The following PCDH11X variants were observed in gnomAD, a reference collection of about 807,000 sequenced individuals.
PCDH11X encodes protocadherin 11 X-linked.
PCDH11X carries 18 observed loss-of-function variants against 53.3 expected under a neutral mutation model. The observed-to-expected ratio is 0.34, with a 90% CI of 0.23 to 0.50. The LOEUF is 0.50. Ranked by LOEUF, PCDH11X falls within the 20% of genes least tolerant of loss-of-function variation. The pLI is 0.98. For missense variants in PCDH11X, 570 were observed against 1,032.4 expected (o/e 0.55, Z 6.14); for synonymous variants, 279 against 393.3 (o/e 0.71, Z 3.44).
intron 8 of PCDH11X, among the ~76,000 whole-genome samples, chrX:92,285,331 G>A (rs769325751): frequency 9.3e-5 from 9 of 96,809 alleles, no homozygotes; most frequent in East Asian, 3.5e-4. Context: ...TCGGCTCACC[G>A]CAAACTCCGC....
At chrX:92,471,350 GA>G (rs1172233173) in intron 10 of PCDH11X, among the ~76,000 whole-genome samples, 1 of 106,578 alleles carries the variant, frequency 9.4e-6, no homozygotes, top group African/African-American at 3.4e-5. Context: ...TAATAAGTGA[GA>G]AAATGTGGTA....
At chrX:92,236,036 T>G (rs2067165806) in intron 7 of PCDH11X, among the ~76,000 whole-genome samples, 1 of 112,049 alleles carries the variant, frequency 8.9e-6, no homozygotes, top group Non-Finnish European at 1.9e-5. Context: ...TATCTATTTT[T>G]CATATAACAA....
At chrX:92,602,563 G>A (rs1926364261) in intron 10 of PCDH11X, among the ~76,000 whole-genome samples, 1 of 107,007 alleles carries the variant, frequency 9.3e-6, no homozygotes, top group Non-Finnish European at 1.9e-5. Context: ...GATACCAAAT[G>A]AAGCAAGTAG....
intron 10 of PCDH11X, among the ~76,000 whole-genome samples, chrX:92,617,160 G>C (rs1355698335): frequency 9.0e-6 from 1 of 111,598 alleles, no homozygotes; most frequent in Non-Finnish European, 1.9e-5. Context: ...CGTGTCAGCT[G>C]TTATCTTTTT....
At chrX:92,147,984 C>CT (rs2065322747) in intron 6 of PCDH11X, among the ~76,000 whole-genome samples, 1 of 72,101 alleles carries the variant, frequency 1.4e-5, no homozygotes, top group African/African-American at 7.9e-5. Context: ...TTCCTTCCTT[C>CT]CTTTCTTTCT....
intron 6 of PCDH11X, among the ~76,000 whole-genome samples, chrX:91,912,917 A>G (rs895465126): frequency 1.8e-5 from 2 of 112,369 alleles, no homozygotes; most frequent in African/African-American, 6.5e-5. Context: ...CTTCGATCAC[A>G]CATCCTGACT....
intron 8 of PCDH11X, among the ~76,000 whole-genome samples, chrX:92,283,270 G>A (rs2068289281): frequency 9.0e-6 from 1 of 111,137 alleles, no homozygotes; most frequent in South Asian, 3.8e-4. Context: ...TTATTAATTT[G>A]CTTGCCCCTT....
At chrX:92,033,642 T>C (rs1049610769) in intron 6 of PCDH11X, among the ~76,000 whole-genome samples, 2 of 108,917 alleles carry the variant, frequency 1.8e-5, no homozygotes, top group African/African-American at 6.6e-5. Flanking sequence ...GTGTCTTCTC[T>C]CTTTCTTCTC....
chrX:92,060,411 A>G (rs1251200497), intron 6 of PCDH11X, among the ~76,000 whole-genome samples: 2 of 102,241 alleles, frequency 2.0e-5, no homozygotes, highest in East Asian at 3.1e-4. Flanking sequence ...GGAGTTTGCT[A>G]TATGAATTGT....
intron 10 of PCDH11X, among the ~76,000 whole-genome samples, chrX:92,506,630 T>C (rs1033709538): frequency 1.1e-5 from 1 of 91,933 alleles, no homozygotes; most frequent in Non-Finnish European, 2.2e-5. Context: ...TGGATTCAGT[T>C]TGCTAGTTTT....
rs754069997 is a variant in PCDH11X at position 92,439,256 on chromosome X, G to A, written c.3344-29043G>A. ...ACCTCTGAAGGTAAGAACACCAAGT[G>A]GGCTACAATAATAACAATTAATCTT... is the stretch of plus-strand genomic sequence containing the variant. On this transcript the variant is annotated intron_variant, in intron 9 of 10. Transcript: ENST00000682573. Among the ~76,000 whole-genome samples, 131 of 111,225 alleles carry A rather than the reference G, an allele frequency of 1.2e-3. 2 individuals carry two copies. The highest frequency in any genetic ancestry group is 4.0e-3 in the African/African-American group (122 of 30,635).
intron 6 of PCDH11X, among the ~76,000 whole-genome samples, chrX:92,048,418 A>G (rs1013224564): frequency 6.3e-5 from 7 of 111,407 alleles, no homozygotes; most frequent in African/African-American, 2.0e-4. Flanking sequence ...TATTTAAAGA[A>G]TAAGCTATCT....
At chrX:92,573,970 G>T (rs1176872827) in intron 10 of PCDH11X, among the ~76,000 whole-genome samples, 9 of 110,558 alleles carry the variant, frequency 8.1e-5, no homozygotes, top group Non-Finnish European at 1.7e-4. Context: ...AAGACTGAAT[G>T]GCTTTTCCCG....
intron 7 of PCDH11X, among the ~76,000 whole-genome samples, chrX:92,250,117 G>A (rs745525424): frequency 3.6e-5 from 4 of 111,651 alleles, no homozygotes; most frequent in Non-Finnish European, 5.7e-5. Context: ...TCAACCCTTT[G>A]AAAGGATGAG....
intron 6 of PCDH11X, among the ~76,000 whole-genome samples, chrX:92,130,619 C>T (rs1389533778): frequency 1.0e-5 from 1 of 99,888 alleles, no homozygotes; most frequent in East Asian, 3.1e-4. Flanking sequence ...CATTGCACTC[C>T]AGCCTGGGCA....
At chrX:92,276,032 T>C (rs201063432) in intron 8 of PCDH11X, among the ~76,000 whole-genome samples, 1 of 110,064 alleles carries the variant, frequency 9.1e-6, no homozygotes, top group Admixed American at 9.8e-5. Flanking sequence ...GGTTAAAATA[T>C]CTCAGCCTAA....
intron 8 of PCDH11X, among the ~76,000 whole-genome samples, chrX:92,306,593 G>A (rs1315451422): frequency 9.4e-6 from 1 of 105,883 alleles, no homozygotes; most frequent in African/African-American, 3.4e-5. Flanking sequence ...GAACCAAATA[G>A]CACTATAATT....
chrX:91,925,464 C>A (rs1941913753), intron 6 of PCDH11X, among the ~76,000 whole-genome samples: 1 of 111,114 alleles, frequency 9.0e-6, no homozygotes, highest in African/African-American at 3.3e-5. Context: ...GAATAAACTA[C>A]ATTTTCATTG....
chrX:92,436,492 A>G (rs1193488479), intron 9 of PCDH11X, among the ~76,000 whole-genome samples: 1 of 111,875 alleles, frequency 8.9e-6, no homozygotes, highest in Non-Finnish European at 1.9e-5. Context: ...CCAGAGGAAT[A>G]AAAATCATTC....
Sources: gnomAD v4.1 joint callset for allele counts (sites outside exome capture counted in the v4.1 genomes callset) on GRCh38, gnomAD v4.1.1 for gene constraint, MANE v1.5 for transcripts, NCBI Gene and HGNC (gene_info 2026-07-23, HGNC 2026-07-21) for gene names.